Variants in HYAL3 observed in about 807,000 individuals in gnomAD.
HYAL3 encodes hyaluronidase-3.
Under a neutral mutation model 29.6 loss-of-function variants are expected in HYAL3, and 25 were observed. The observed-to-expected ratio is 0.85, with a 90% CI of 0.62 to 1.18. The LOEUF (loss-of-function observed/expected upper bound fraction) is 1.18, where lower values mean the gene tolerates loss of function less well. Ranked by LOEUF, HYAL3 falls within the 50% of genes most tolerant of loss-of-function variation. HYAL3 has a pLI of 0.00. For missense variants in HYAL3, 442 were observed against 548.4 expected, an observed-to-expected ratio of 0.81 and a Z score of 1.94; for synonymous variants, 215 against 218.3, an observed-to-expected ratio of 0.99 and a Z score of 0.13.
At chr3:50,293,800 C>T in intron 2 of HYAL3, 79 bp from the exon 3 acceptor site, 1 of 1,226,382 alleles carries the variant, frequency 8.2e-7, no homozygotes, top group Non-Finnish European at 1.2e-6. Flanking sequence ...AGAAACTCTT[C>T]TGGTTCACTG....
Position 50,293,276 on chromosome 3 carries a change from C to A in HYAL3, c.1224G>T (p.Glu408Asp), listed in dbSNP as rs1553710300. 1 of 1,613,212 alleles carries A rather than the reference C, an allele frequency of 6.2e-7. No homozygotes were observed. Among genetic ancestry groups the A allele is most frequent in the Non-Finnish European group, 8.5e-7 (1 of 1,180,014 alleles). ...YWGWAGPTCQ[E>D]PRPGPKEAV ...CTGCTTCTTTAGGCCCAGGCCTGGG[C>A]TCCTGGCAGGTGGGGCCAGCCCAGC... is the stretch of plus-strand genomic sequence containing the variant. Residue 408 changes from glutamate to aspartate, a missense_variant, in exon 4 of 4, where the codon GAG (glutamate) becomes GAT (aspartate). Coordinates refer to ENST00000336307, the MANE Select transcript of HYAL3 (RefSeq NM_003549.4).
At chr3:50,294,622 AC>A (rs1230375279) in intron 2 of HYAL3, 86 bp downstream of exon 2, 3 of 1,199,062 alleles carry the variant, frequency 2.5e-6, no homozygotes, top group African/African-American at 3.0e-5. Context: ...ATTAGGACCA[AC>A]CCCTAGGCAA....
chr3:50,293,242 G>A lies in HYAL3; in HGVS notation c.*4C>T. 1 of 1,613,060 alleles carries A rather than the reference G, an allele frequency of 6.2e-7. No homozygotes were observed. The highest frequency in any genetic ancestry group is 8.5e-7 in the Non-Finnish European group (1 of 1,180,022). On this transcript the variant is annotated 3_prime_UTR_variant, in exon 4 of 4. Coordinates refer to ENST00000336307, the MANE Select transcript of HYAL3 (RefSeq NM_003549.4). ...AAGAAGAGGCAGTGGCAGGGGCCCTGGCTTTATACTGCTTCTTTAGGCCCA... is the reference window on the plus strand; with the variant it reads ...AAGAAGAGGCAGTGGCAGGGGCCCTAGCTTTATACTGCTTCTTTAGGCCCA...
At position 50,295,636 on chromosome 3, in the gene HYAL3, G is replaced by A; in HGVS notation, c.-17-17C>T. On this transcript the variant is annotated splice_polypyrimidine_tract_variant and intron_variant, in intron 1 of 3. Transcript: ENST00000336307. ...GATGGAAACCTGCAGGAGAGAGGGG[G>A]GTGTAAGCTTAGAGTCCGCAGCTAT... The A allele has an allele frequency of 6.6e-7, 1 of 1,514,010 alleles. No individual in the cohort carries two copies. The highest frequency in any genetic ancestry group is 8.8e-7 in the Non-Finnish European group (1 of 1,131,860). 93.8% of individuals were successfully genotyped at this position (1,514,010 alleles called of 1,614,324 possible). A position where few individuals can be genotyped will look rare whatever the true frequency, so the allele number is the denominator to read the frequency against.
chr3:50,298,004 T>C, intron 1 of HYAL3: 1 of 986,694 alleles, frequency 1.0e-6, no homozygotes, highest in Non-Finnish European at 1.2e-6. Context: ...ACAGGGGGTC[T>C]GTAACCACCA....
At position 50,297,765 on chromosome 3, in the gene HYAL3, T is replaced by G; in HGVS notation, c.-18+1448A>C. ...AGAGTGCAGGGGGGACCATGCATAC[T>G]GGAACTGGGGAGTGGTGGGCTGCAC... On this transcript the variant is annotated intron_variant, in intron 1 of 3. Transcript: ENST00000336307. The surrounding 1 kb of genome is among the most constrained non-coding windows in gnomAD (Gnocchi z 4.3). 7.9e-7 allele frequency: 1 copy of G among 1,268,082 alleles called. No homozygotes were observed. Among genetic ancestry groups the G allele is most frequent in the African/African-American group, 1.5e-5 (1 of 65,236 alleles). The allele number at this position is 1,268,082 out of a possible 1,614,324, so 78.6% of individuals were successfully genotyped here. A position where few individuals can be genotyped will look rare whatever the true frequency, so the allele number is the denominator to read the frequency against.
In HYAL3 at chr3:50,296,263, G is replaced by A. The variant is rs185807702; in HGVS notation, c.-17-644C>T. 2.9e-4 allele frequency: 96 copies of A among 335,668 alleles called. 1 individual carries two copies. Among genetic ancestry groups the A allele is most frequent in the Admixed American group, 4.9e-4 (11 of 22,544 alleles). The allele number at this position is 335,668 out of a possible 1,614,324, so 20.8% of individuals were successfully genotyped here. On this transcript the variant is annotated intron_variant, in intron 1 of 3. Transcript: ENST00000336307. Reference sequence around the variant, plus strand: ...ACCCTGTCTCCTGAGCCAGGTGGGGGGTAAAGGCAAAGGACAGGCATCCTC... The same window carrying A: ...ACCCTGTCTCCTGAGCCAGGTGGGGAGTAAAGGCAAAGGACAGGCATCCTC...
intron 1 of HYAL3, 120 bp from the exon 2 acceptor site, chr3:50,295,739 A>G (rs1575498904): frequency 1.2e-6 from 1 of 845,530 alleles, no homozygotes; most frequent in Non-Finnish European, 1.7e-6. Flanking sequence ...GGAGCTGGGG[A>G]AAGCATGTTT....
At position 50,293,466 on chromosome 3, in the gene HYAL3, TA is replaced by T. The variant is rs1553710408; in HGVS notation, c.1033del (p.Tyr345MetfsTer2). On this transcript the variant is annotated frameshift_variant, in exon 4 of 4. Coordinates refer to ENST00000336307, the MANE Select transcript of HYAL3 (RefSeq NM_003549.4). LOFTEE classifies it high-confidence loss of function. Reference protein sequence around the residue: ...HDYLVDTLGPYVINVTRAAMA... With the variant: ...HDYLVDTLGPXVINVTRAAMA... ...CGCTGCCCTGGTCACATTGATCACA[TA>T]GGGGCCCAAGGTGTCCACCAGGTAG... 6.2e-7 allele frequency: 1 copy of T among 1,613,674 alleles called. No individual in the cohort carries two copies. The highest frequency in any genetic ancestry group is 8.5e-7 in the Non-Finnish European group (1 of 1,180,032).
Position 50,295,043 on chromosome 3 carries a change from A to G in HYAL3, c.560T>C (p.Val187Ala). The G allele has an allele frequency of 6.2e-7, 1 of 1,613,360 alleles. No homozygotes were observed. Among genetic ancestry groups the G allele is most frequent in the Non-Finnish European group, 8.5e-7 (1 of 1,179,924 alleles). The change falls in exon 2 of 4, where the codon GTG becomes GCG. Residue 187 changes from valine (V) to alanine (A), a missense_variant. Physicochemically the swap from Val to Ala is moderately conservative, Grantham distance 64. Coordinates refer to ENST00000336307, the MANE Select transcript of HYAL3 (RefSeq NM_003549.4). Reference protein sequence around the residue: ...ARALMEDTLRVAQALRPHGLW... With the variant: ...ARALMEDTLRAAQALRPHGLW... Reference sequence around the variant, plus strand: ...TCCATGGGGCCGTAGTGCCTGGGCCACCCGCAGCGTATCCTCCATCAGTGC... The same window carrying G: ...TCCATGGGGCCGTAGTGCCTGGGCCGCCCGCAGCGTATCCTCCATCAGTGC...
At chr3:50,296,630 G>T (rs1553711186) in intron 1 of HYAL3, 1 of 1,614,054 alleles carries the variant, frequency 6.2e-7, no homozygotes, top group Non-Finnish European at 8.5e-7. Flanking sequence ...TCCAGAATAT[G>T]GGGCGCCCCC....
intron 1 of HYAL3, 180 bp downstream of exon 1, chr3:50,299,033 G>C (rs1702002287): frequency 1.3e-6 from 2 of 1,540,366 alleles, no homozygotes; most frequent in African/African-American, 2.7e-5. Context: ...GTGGGTCACA[G>C]GCTGTGGAGC....
chr3:50,298,935 C>T, intron 1 of HYAL3: 1 of 1,406,702 alleles, frequency 7.1e-7, no homozygotes, highest in Non-Finnish European at 9.3e-7. Context: ...CCTTCAGTGC[C>T]GACCCCACCC....
In HYAL3 at chr3:50,294,829, G is replaced by A; in HGVS notation, c.774C>T (p.Ala258=). The A allele has an allele frequency of 1.3e-6, 2 of 1,532,994 alleles. No individual in the cohort carries two copies. The highest frequency in any genetic ancestry group is 1.8e-6 in the Non-Finnish European group (2 of 1,136,838). The allele number at this position is 1,532,994 out of a possible 1,614,324, so 95.0% of individuals were successfully genotyped here. A position where few individuals can be genotyped will look rare whatever the true frequency, so the allele number is the denominator to read the frequency against. ...CCTCCTCCAGGCGATGTCGGACAAAGGCCTGGTGGTGGGCAGGTGGCAGCC... is the reference window on the plus strand; with the variant it reads ...CCTCCTCCAGGCGATGTCGGACAAAAGCCTGGTGGTGGGCAGGTGGCAGCC... ...PPRLPPAHHQ[A]FVRHRLEEAF... is the part of the protein sequence containing the mutation. Residue 258 remains alanine, a synonymous_variant, in exon 2 of 4, where the codon GCC becomes GCT. Coordinates refer to ENST00000336307, the MANE Select transcript of HYAL3 (RefSeq NM_003549.4).
In HYAL3 at chr3:50,297,516, G is replaced by A. The variant is rs1553711589; in HGVS notation, c.-18+1697C>T. 3.2e-6 allele frequency: 5 copies of A among 1,540,096 alleles called. No individual in the cohort carries two copies. The highest frequency in any genetic ancestry group is 1.4e-5 in the African/African-American group (1 of 73,066). ...CAGCTTGGCTGGGCCAGGGCTCAGA[G>A]TCAGCTCTTGCCTATGCACAGGATC... On this transcript the variant is annotated intron_variant, in intron 1 of 3. Transcript: ENST00000336307. The surrounding 1 kb of genome is among the most constrained non-coding windows in gnomAD (Gnocchi z 4.3).
Position 50,297,606 on chromosome 3 carries a change from C to T in HYAL3, c.-18+1607G>A. ...CTGCTAGGTTGCAGGTGGCTCAGTG[C>T]CAGGCTGGAGGTTAAGACCCCAGTC... On this transcript the variant is annotated intron_variant, in intron 1 of 3. Transcript: ENST00000336307. The surrounding 1 kb of genome is among the most constrained non-coding windows in gnomAD (Gnocchi z 4.3). The T allele has an allele frequency of 2.0e-6, 3 of 1,483,832 alleles. No homozygotes were observed. The highest frequency in any genetic ancestry group is 2.7e-6 in the Non-Finnish European group (3 of 1,121,694). The allele number at this position is 1,483,832 out of a possible 1,614,324, so 91.9% of individuals were successfully genotyped here.
intron 1 of HYAL3, 36 bp from the exon 2 acceptor site, chr3:50,295,655 C>G: frequency 6.8e-7 from 1 of 1,475,132 alleles, no homozygotes; most frequent in Non-Finnish European, 9.0e-7. Context: ...TTAGAGTCCG[C>G]AGCTATGGCC....
chr3:50,297,876 C>T lies in HYAL3; in HGVS notation c.-18+1337G>A, dbSNP rs1239509015. 1 of 1,018,842 alleles carries T rather than the reference C, an allele frequency of 9.8e-7. No individual in the cohort carries two copies. The highest frequency in any genetic ancestry group is 4.5e-5 in the South Asian group (1 of 22,104). The allele number at this position is 1,018,842 out of a possible 1,614,324, so 63.1% of individuals were successfully genotyped here. A position where few individuals can be genotyped will look rare whatever the true frequency, so the allele number is the denominator to read the frequency against. On this transcript the variant is annotated intron_variant, in intron 1 of 3. Coordinates refer to ENST00000336307, the MANE Select transcript of HYAL3 (RefSeq NM_003549.4). This position sits in a 1 kb window ranked among gnomAD's most constrained non-coding sequence, Gnocchi z 4.3. Reference sequence around the variant, plus strand: ...AGGGCAGATAGATCCAGGTGTCTACCCCACATTGGAGGGAGGCTGGGAGTG... The same window carrying T: ...AGGGCAGATAGATCCAGGTGTCTACTCCACATTGGAGGGAGGCTGGGAGTG...
In HYAL3 at chr3:50,295,067, G is replaced by A; in HGVS notation, c.536C>T (p.Ala179Val). ...AYTGFEQAARALMEDTLRVAQ... is the reference protein window; with the variant it reads ...AYTGFEQAARVLMEDTLRVAQ... Reference sequence around the variant, plus strand: ...CACCCGCAGCGTATCCTCCATCAGTGCACGGGCCGCCTGCTCAAAGCCAGT... The same window carrying A: ...CACCCGCAGCGTATCCTCCATCAGTACACGGGCCGCCTGCTCAAAGCCAGT... The change falls in exon 2 of 4, where the codon GCA becomes GTA. Residue 179 changes from alanine to valine, a missense_variant. By Grantham distance (64) the Ala-to-Val change is moderately conservative. Coordinates refer to ENST00000336307, the MANE Select transcript of HYAL3 (RefSeq NM_003549.4). The A allele has an allele frequency of 6.2e-7, 1 of 1,613,298 alleles. No homozygotes were observed. The highest frequency in any genetic ancestry group is 8.5e-7 in the Non-Finnish European group (1 of 1,179,788).
Sources: allele counts gnomAD v4.1 joint callset, GRCh38; gene constraint gnomAD v4.1.1; non-coding constraint Gnocchi (gnomAD v3.1); transcripts MANE v1.5; gene names NCBI Gene and HGNC (gene_info 2026-07-23, HGNC 2026-07-21).